Variants in PPM1B observed in about 807,000 individuals in gnomAD.
PPM1B encodes the protein protein phosphatase 1B.
Under a neutral mutation model 43.0 loss-of-function variants are expected in PPM1B, and 22 were observed. The ratio of observed to expected loss-of-function variants is 0.51; its 90% CI spans 0.37 to 0.73. The LOEUF is 0.73. Among genes scored for constraint, PPM1B ranks in the 30% least tolerant of loss-of-function variants. PPM1B has a pLI of 0.00. For missense variants in PPM1B, 632 were observed against 584.2 expected (o/e 1.08, Z -0.84); for synonymous variants, 217 against 197.9 (o/e 1.10, Z -0.81).
chr2:44,206,099 C>T (rs756332684), intron 2 of PPM1B, among the ~76,000 whole-genome samples: 10 of 152,176 alleles, frequency 6.6e-5, no homozygotes, highest in Non-Finnish European at 1.3e-4. Context: ...GGGGCACTGG[C>T]GTCTTTGATC....
intron 5 of PPM1B, chr2:44,219,066 G>T (rs1303569443): frequency 3.7e-6 from 1 of 273,412 alleles, no homozygotes; most frequent in Non-Finnish European, 7.2e-6. Context: ...GTACCTTGCT[G>T]TACTTCATCA....
intron 1 of PPM1B, among the ~76,000 whole-genome samples, chr2:44,179,108 A>G (rs986667039): frequency 3.3e-5 from 5 of 151,870 alleles, no homozygotes; most frequent in Admixed American, 6.6e-5. Flanking sequence ...AGTAAGTCTC[A>G]TGAGATCTGA....
intron 2 of PPM1B, among the ~76,000 whole-genome samples, chr2:44,207,575 A>G (rs1443080351): frequency 6.6e-6 from 1 of 151,710 alleles, no homozygotes; most frequent in Admixed American, 6.6e-5. Flanking sequence ...AGTATATATG[A>G]TATGCTTTTT....
chr2:44,217,308 A>C (rs1038227107), intron 3 of PPM1B, among the ~76,000 whole-genome samples: 10 of 151,836 alleles, frequency 6.6e-5, no homozygotes, highest in South Asian at 2.1e-4. Context: ...CTGAGGCAGG[A>C]GAATTGCTTG....
downstream of PPM1B, among the ~76,000 whole-genome samples, chr2:44,245,581 T>A (rs1489420836): frequency 6.6e-6 from 1 of 152,238 alleles, no homozygotes; most frequent in African/African-American, 2.4e-5. Flanking sequence ...TTCTGTACAA[T>A]GACTAGAGAG....
chr2:44,193,518 C>G (rs1029764049), intron 1 of PPM1B, among the ~76,000 whole-genome samples: 1 of 151,808 alleles, frequency 6.6e-6, no homozygotes. Context: ...TGTAGCTTCC[C>G]TAGTAGCTAG....
intron 1 of PPM1B, among the ~76,000 whole-genome samples, chr2:44,172,419 C>G (rs1667391010): frequency 6.6e-6 from 1 of 152,144 alleles, no homozygotes; most frequent in African/African-American, 2.4e-5. Context: ...AGTTGGCTGT[C>G]ATAAAATTTG....
chr2:44,232,660 A>G (rs1670501518), downstream of PPM1B: 2 of 1,148,288 alleles, frequency 1.7e-6, no homozygotes, highest in Non-Finnish European at 2.1e-6. Context: ...GGTGCATGGG[A>G]AATATAGTTA....
chr2:44,239,179 CAAAAAAAAAAAAAA>C (rs1193340508), downstream of PPM1B, among the ~76,000 whole-genome samples: 1 of 89,636 alleles, frequency 1.1e-5, no homozygotes, highest in Non-Finnish European at 2.3e-5. Context: ...GTCTCTAATA[CAAAAAAAAAAAAAA>C]AAAAAAAAAT....
chr2:44,226,971 T>TATTTATTTATGA (rs756776044), intron 5 of PPM1B, among the ~76,000 whole-genome samples: 33 of 142,610 alleles, frequency 2.3e-4, no homozygotes, highest in Non-Finnish European at 2.9e-4. Context: ...TTTATTTATT[T>TATTTATTTATGA]ATGAATGAAT....
At chr2:44,197,885 A>G (rs1372064266) in intron 1 of PPM1B, among the ~76,000 whole-genome samples, 4 of 152,212 alleles carry the variant, frequency 2.6e-5, no homozygotes, top group Non-Finnish European at 5.9e-5. Flanking sequence ...CTCATTAAAA[A>G]ATGAGGCATT....
intron 3 of PPM1B, among the ~76,000 whole-genome samples, chr2:44,216,281 G>T (rs1312078540): frequency 6.6e-6 from 1 of 152,184 alleles, no homozygotes; most frequent in Non-Finnish European, 1.5e-5. Context: ...TGTCATAGCT[G>T]AGGGGGTGCC....
rs574571038 is a variant in PPM1B, at chr2:44,205,801, A to G, written c.847-3409A>G. ...GCCTATTTATTTTAAAACATGAGAT[A>G]GTACCTCATAGTTGGATAAAATTGA... On this transcript the variant is annotated intron_variant, in intron 2 of 5. Coordinates refer to ENST00000282412, the MANE Select transcript of PPM1B (RefSeq NM_002706.6). Among the ~76,000 whole-genome samples, 3 of 152,330 alleles carry G rather than the reference A, an allele frequency of 2.0e-5. No homozygotes were observed. The South Asian group carries it at 6.2e-4, about 32-fold the overall frequency.
chr2:44,221,509 C>T (rs887355410), intron 5 of PPM1B, among the ~76,000 whole-genome samples: 2 of 152,136 alleles, frequency 1.3e-5, no homozygotes, highest in African/African-American at 4.8e-5. Context: ...TGGATGTTAA[C>T]TTGCGGGGTG....
intron 5 of PPM1B, among the ~76,000 whole-genome samples, chr2:44,225,838 G>A (rs1670184124): frequency 6.6e-6 from 1 of 151,330 alleles, no homozygotes; most frequent in Admixed American, 6.6e-5. Context: ...TCTATTTTTA[G>A]TTGAGATGGG....
At chr2:44,205,778 C>CT (rs1381440762) in intron 2 of PPM1B, among the ~76,000 whole-genome samples, 1 of 151,914 alleles carries the variant, frequency 6.6e-6, no homozygotes, top group Non-Finnish European at 1.5e-5. Flanking sequence ...TACCAGAAGC[C>CT]TATTTATTTT....
At chr2:44,206,603 A>G (rs547147651) in intron 2 of PPM1B, among the ~76,000 whole-genome samples, 1 of 152,366 alleles carries the variant, frequency 6.6e-6, no homozygotes, top group African/African-American at 2.4e-5. Flanking sequence ...ATGTTCCACA[A>G]TGCTCATGTT....
chr2:44,177,183 T>A (rs1410957460), intron 1 of PPM1B, among the ~76,000 whole-genome samples: 3 of 152,224 alleles, frequency 2.0e-5, no homozygotes, highest in Non-Finnish European at 4.4e-5. Context: ...GTACTGTAAT[T>A]CAGACCAGAT....
At position 44,223,896 on chromosome 2, in the gene PPM1B, G is replaced by C. The variant is rs150966460; in HGVS notation, c.1134+5359G>C. 9.6e-3 allele frequency among the ~76,000 whole-genome samples: 1,394 copies of C among 144,650 alleles called. 88 individuals carry two copies. Among genetic ancestry groups the C allele is most frequent in the Admixed American group, 0.091 (1,324 of 14,598 alleles). 94.9% of individuals were successfully genotyped at this position (144,650 alleles called of 152,430 possible). A position where few individuals can be genotyped will look rare whatever the true frequency, so the allele number is the denominator to read the frequency against. ...ATTAGTCACTATGTTTTTAAGGTAT[G>C]ATTGACATAACACTTACCTTTGCTA... On this transcript the variant is annotated intron_variant, in intron 5 of 5. Transcript: ENST00000282412.
Sources: allele counts gnomAD v4.1 joint callset (sites outside exome capture counted in the v4.1 genomes callset), GRCh38; gene constraint gnomAD v4.1.1; transcripts MANE v1.5; gene names NCBI Gene and HGNC (gene_info 2026-07-23, HGNC 2026-07-21).